The following IMMP2L variants were observed in gnomAD, a reference collection of about 807,000 sequenced individuals.
The protein encoded by IMMP2L is inner mitochondrial membrane peptidase subunit 2.
IMMP2L carries 18 observed loss-of-function variants against 19.3 expected under a neutral mutation model. The observed-to-expected ratio is 0.93, with a 90% CI of 0.64 to 1.38. The LOEUF (loss-of-function observed/expected upper bound fraction) is 1.38, where lower values mean the gene tolerates loss of function less well. Among genes scored for constraint, IMMP2L ranks in the 40% most tolerant of loss-of-function variants. The pLI is 0.00. For missense variants in IMMP2L, 233 were observed against 218.2 expected (o/e 1.07, Z -0.43); for synonymous variants, 76 against 73.0 (o/e 1.04, Z -0.21).
At chr7:111,479,122 G>A (rs1020874174) in intron 3 of IMMP2L, among the ~76,000 whole-genome samples, 3 of 152,130 alleles carry the variant, frequency 2.0e-5, no homozygotes, top group African/African-American at 7.2e-5. Flanking sequence ...TTAGCTTGCA[G>A]GCACTGTGAA....
chr7:111,167,190 C>T lies in IMMP2L; in HGVS notation c.240-203625G>A, dbSNP rs1805917342. Reference sequence around the variant, plus strand: ...GGACTTGATCTGACCACGTCATGAACCACACCTGCTCTCATCAAAGCCTGT... The same window carrying T: ...GGACTTGATCTGACCACGTCATGAATCACACCTGCTCTCATCAAAGCCTGT... On this transcript the variant is annotated intron_variant, in intron 3 of 5. Transcript: ENST00000405709. Among the ~76,000 whole-genome samples the T allele has an allele frequency of 2.0e-5, 3 of 151,922 alleles. 1 individual carries two copies. In the South Asian group the frequency reaches 6.2e-4, roughly 31 times the overall value.
At chr7:111,235,907 T>A (rs1441953708) in intron 3 of IMMP2L, among the ~76,000 whole-genome samples, 1 of 152,126 alleles carries the variant, frequency 6.6e-6, no homozygotes, top group East Asian at 1.9e-4. Context: ...TTGGGTAGTT[T>A]CTATTGTTAT....
rs185245853 is a variant in IMMP2L, at chr7:110,924,085, T to C, written c.306-37390A>G. Among the ~76,000 whole-genome samples, 1 of 152,304 alleles carries C rather than the reference T, an allele frequency of 6.6e-6. No homozygotes were observed. Among genetic ancestry groups the C allele is most frequent in the Admixed American group, 6.5e-5 (1 of 15,292 alleles). ...ACAAAGGAATGATTCCCATGATTAT[T>C]GAAAAGTCTGACTTCTACCTAAAAT... On this transcript the variant is annotated intron_variant, in intron 4 of 5. Transcript: ENST00000405709. This position sits in a 1 kb window ranked among gnomAD's most constrained non-coding sequence, Gnocchi z 4.2.
intron 2 of IMMP2L, among the ~76,000 whole-genome samples, chr7:111,487,553 T>C (rs1206641745): frequency 1.3e-5 from 2 of 152,144 alleles, no homozygotes; most frequent in Non-Finnish European, 2.9e-5. Flanking sequence ...AAATTACCAA[T>C]GCTTATTTGA....
intron 3 of IMMP2L, among the ~76,000 whole-genome samples, chr7:111,098,472 A>C (rs1797629444): frequency 6.6e-6 from 1 of 151,852 alleles, no homozygotes; most frequent in Non-Finnish European, 1.5e-5. Flanking sequence ...AAATAATCAA[A>C]GTAATGATGA....
chr7:111,498,873 C>T lies in IMMP2L; in HGVS notation c.136-11532G>A, dbSNP rs1843858797. Reference sequence around the variant, plus strand: ...CCTGGGTACCCTAAATTACATTGATCAAAGCTATAAGAACAAAGGAGCTCA... The same window carrying T: ...CCTGGGTACCCTAAATTACATTGATTAAAGCTATAAGAACAAAGGAGCTCA... On this transcript the variant is annotated intron_variant, in intron 2 of 5. Coordinates refer to ENST00000405709, the MANE Select transcript of IMMP2L (RefSeq NM_032549.4). Among the ~76,000 whole-genome samples the T allele has an allele frequency of 2.0e-5, 3 of 151,904 alleles. No homozygotes were observed. The South Asian group carries it at 6.2e-4, about 32-fold the overall frequency.
chr7:111,415,253 A>C (rs1355415818), intron 3 of IMMP2L, among the ~76,000 whole-genome samples: 1 of 151,710 alleles, frequency 6.6e-6, no homozygotes, highest in Non-Finnish European at 1.5e-5. Context: ...CTAGCAAGAA[A>C]ATGTGGACTT....
chr7:111,136,024 A>G (rs1225773018), intron 3 of IMMP2L, among the ~76,000 whole-genome samples: 1 of 145,566 alleles, frequency 6.9e-6, no homozygotes, highest in Non-Finnish European at 1.5e-5. Flanking sequence ...CTTATATGTC[A>G]CCCTACAATT....
chr7:110,847,401 A>T (rs184099219), intron 5 of IMMP2L, among the ~76,000 whole-genome samples: 2 of 152,178 alleles, frequency 1.3e-5, no homozygotes, highest in Non-Finnish European at 1.5e-5. Flanking sequence ...CCTGATTATA[A>T]TCGATTTAAT....
rs368421025 is a variant in IMMP2L, at chr7:111,179,604, G to A, written c.240-216039C>T. On this transcript the variant is annotated intron_variant, in intron 3 of 5. Transcript: ENST00000405709. ...CCCTAGGATTTTTGGAATGGGCAAC[G>A]AGCATTGGCTTCAACTTAAAGTCAT... Among the ~76,000 whole-genome samples, 137 of 152,138 alleles carry A rather than the reference G, an allele frequency of 9.0e-4. 1 individual carries two copies. Among genetic ancestry groups the A allele is most frequent in the African/African-American group, 3.2e-3 (131 of 41,526 alleles).
chr7:111,255,766 A>T (rs962089048), intron 3 of IMMP2L, among the ~76,000 whole-genome samples: 3 of 152,036 alleles, frequency 2.0e-5, no homozygotes, highest in African/African-American at 7.2e-5. Context: ...TAGTTAACAC[A>T]AGCTTTCTTG....
chr7:111,390,579 G>A (rs1832249033), intron 3 of IMMP2L: 1 of 151,950 alleles, frequency 6.6e-6, no homozygotes, highest in African/African-American at 2.4e-5. Context: ...ACCTTCTCAT[G>A]CGGTGTGACA....
intron 3 of IMMP2L, among the ~76,000 whole-genome samples, chr7:111,485,617 A>AAAAAAAAAAAAAC (rs1563252461): frequency 1.4e-5 from 2 of 147,146 alleles, no homozygotes; most frequent in African/African-American, 5.2e-5. Context: ...AAAAAAAAAA[A>AAAAAAAAAAAAAC]AAAAAAAACA....
chr7:111,327,127 G>A (rs183666639), intron 3 of IMMP2L, among the ~76,000 whole-genome samples: 2 of 151,812 alleles, frequency 1.3e-5, no homozygotes, highest in East Asian at 1.9e-4. Flanking sequence ...CATGAAATAG[G>A]CCAGTCACAG....
intron 3 of IMMP2L, among the ~76,000 whole-genome samples, chr7:111,380,937 T>A (rs770121269): frequency 6.6e-6 from 1 of 151,306 alleles, no homozygotes; most frequent in Non-Finnish European, 1.5e-5. Context: ...GTGAAAAATA[T>A]CAGGTTATTC....
chr7:110,884,717 A>C (rs1309371457), intron 5 of IMMP2L, among the ~76,000 whole-genome samples: 8 of 152,102 alleles, frequency 5.3e-5, no homozygotes, highest in Non-Finnish European at 1.2e-4. Flanking sequence ...AGACACTTCT[A>C]TACTGTAAGT....
intron 3 of IMMP2L, among the ~76,000 whole-genome samples, chr7:111,079,733 A>G (rs371647104): frequency 2.0e-5 from 3 of 152,280 alleles, no homozygotes; most frequent in South Asian, 4.1e-4. Context: ...ATAATCTCCT[A>G]TGGTTTGAAT....
chr7:111,448,183 G>C (rs1272124652), intron 3 of IMMP2L, among the ~76,000 whole-genome samples: 1 of 128,702 alleles, frequency 7.8e-6, no homozygotes, highest in Non-Finnish European at 1.6e-5. Flanking sequence ...CCCAGGAATT[G>C]AACTCAGCTC....
chr7:111,515,870 A>C (rs1305790931), intron 2 of IMMP2L, among the ~76,000 whole-genome samples: 1 of 152,152 alleles, frequency 6.6e-6, no homozygotes, highest in Non-Finnish European at 1.5e-5. Context: ...TCATACCAAA[A>C]TTAAATAACT....
Sources: gnomAD v4.1 joint callset for allele counts (sites outside exome capture counted in the v4.1 genomes callset) on GRCh38, gnomAD v4.1.1 for gene constraint, Gnocchi (gnomAD v3.1) non-coding constraint, MANE v1.5 for transcripts, NCBI Gene and HGNC (gene_info 2026-07-23, HGNC 2026-07-21) for gene names.